The following DPP8 variants were observed in gnomAD, a reference collection of about 807,000 sequenced individuals.
The protein encoded by DPP8 is DPP VIII.
A neutral mutation model predicts 107.5 loss-of-function variants in DPP8; 31 were observed. That is an observed-to-expected ratio of 0.29 (90% CI 0.22 to 0.39). DPP8 has a LOEUF of 0.39. Ranked by LOEUF, DPP8 falls within the 10% of genes least tolerant of loss-of-function variation. The pLI is 1.00. For missense variants in DPP8, 842 were observed against 1,076.1 expected, an observed-to-expected ratio of 0.78 and a Z score of 3.04; for synonymous variants, 381 against 356.6, an observed-to-expected ratio of 1.07 and a Z score of -0.77.
intron 2 of DPP8, among the ~76,000 whole-genome samples, chr15:65,509,593 CAA>C (rs2141088711): frequency 6.6e-6 from 1 of 152,246 alleles, no homozygotes; most frequent in African/African-American, 2.4e-5. Flanking sequence ...TGACAAAGAA[CAA>C]GAGGCAAAAT....
At position 65,443,625 on chromosome 15, in the gene DPP8, C is replaced by A. The variant is rs564074665; in HGVS notation, c.*3259G>T. 1.4e-4 allele frequency: 21 copies of A among 152,256 alleles called. No homozygotes were observed. The East Asian group carries it at 3.9e-3, about 28-fold the overall frequency. 9.4% of individuals were successfully genotyped at this position (152,256 alleles called of 1,614,324 possible). On this transcript the variant is annotated 3_prime_UTR_variant, in exon 20 of 20. Transcript: ENST00000300141. ...TGGCATAGAGAGAAAAACTTTCATT[C>A]CAAAATTAATCTCCAGACAAAGGGG...
intron 19 of DPP8, among the ~76,000 whole-genome samples, chr15:65,448,684 A>T (rs1412177121): frequency 1.4e-4 from 20 of 140,408 alleles, no homozygotes; most frequent in African/African-American, 2.4e-4. Context: ...AAAAAAAAAA[A>T]AAAAAAATAT....
intron 5 of DPP8, among the ~76,000 whole-genome samples, chr15:65,496,346 A>G (rs2068600354): frequency 6.6e-6 from 1 of 150,540 alleles, no homozygotes; most frequent in South Asian, 2.2e-4. Context: ...AGATGACAGT[A>G]AATCAGCTTT....
chr15:65,513,896 C>G (rs1020940503), intron 1 of DPP8, among the ~76,000 whole-genome samples: 3 of 152,112 alleles, frequency 2.0e-5, no homozygotes, highest in Non-Finnish European at 4.4e-5. Context: ...AAAGAAGGAA[C>G]ATAAAAATTC....
chr15:65,465,360 G>T lies in DPP8; in HGVS notation c.1825+1318C>A, dbSNP rs924629387. Among the ~76,000 whole-genome samples, 4 of 151,296 alleles carry T rather than the reference G, an allele frequency of 2.6e-5. No homozygotes were observed. The Admixed American group carries it at 2.6e-4, about 10-fold the overall frequency. On this transcript the variant is annotated intron_variant, in intron 14 of 19. Coordinates refer to ENST00000300141, the MANE Select transcript of DPP8 (RefSeq NM_130434.5). ...TTTTTGTATTTTTAGTAGATGTGGG[G>T]TTTCACCATGTTGGCCAGGCTGCTC... is the stretch of plus-strand genomic sequence containing the variant.
intron 14 of DPP8, among the ~76,000 whole-genome samples, chr15:65,465,167 CTTT>C (rs199937501): frequency 1.6e-5 from 2 of 127,726 alleles, no homozygotes; most frequent in Admixed American, 7.9e-5. Flanking sequence ...TTTGTTTTTT[CTTT>C]TTTTTTTTTT....
chr15:65,514,757 G>A (rs1219769388), intron 1 of DPP8, among the ~76,000 whole-genome samples: 2 of 152,094 alleles, frequency 1.3e-5, no homozygotes, highest in East Asian at 1.9e-4. Flanking sequence ...TGATCCACCC[G>A]CCTTGGCCTC....
intron 17 of DPP8, 137 bp from the exon 18 acceptor site, chr15:65,452,239 G>T: frequency 2.1e-6 from 2 of 942,880 alleles, no homozygotes; most frequent in Admixed American, 3.5e-5. Context: ...CATGTCTTAG[G>T]CAACTCAGAA....
At chr15:65,482,340 G>A (rs966337039) in intron 8 of DPP8, among the ~76,000 whole-genome samples, 4 of 152,060 alleles carry the variant, frequency 2.6e-5, no homozygotes, top group Admixed American at 6.6e-5. Flanking sequence ...GTAGTGCAGT[G>A]GCGCCATCTC....
intron 1 of DPP8, chr15:65,516,565 G>A (rs946492979): frequency 2.6e-5 from 4 of 152,192 alleles, no homozygotes; most frequent in Non-Finnish European, 2.9e-5. Context: ...GAAAAACAGC[G>A]AGGTTATGCC....
intron 15 of DPP8, 67 bp downstream of exon 15, chr15:65,463,693 TA>T (rs2065102102): frequency 6.4e-6 from 9 of 1,407,682 alleles, no homozygotes; most frequent in Non-Finnish European, 8.8e-6. Context: ...ACTAGACATT[TA>T]AAAAACAAAA....
At chr15:65,467,669 T>C (rs1265893467) in intron 12 of DPP8, among the ~76,000 whole-genome samples, 1 of 152,176 alleles carries the variant, frequency 6.6e-6, no homozygotes, top group Non-Finnish European at 1.5e-5. Flanking sequence ...TGAGCCACCA[T>C]GCCTGGCTGT....
chr15:65,479,635 G>A (rs1011850572), intron 10 of DPP8, among the ~76,000 whole-genome samples: 8 of 151,906 alleles, frequency 5.3e-5, no homozygotes, highest in Middle Eastern at 3.4e-3. Context: ...ATGAGGTCAG[G>A]AGATCGAGAC....
intron 6 of DPP8, among the ~76,000 whole-genome samples, chr15:65,489,412 A>AT (rs1567234759): frequency 9.7e-5 from 2 of 20,702 alleles, no homozygotes; most frequent in East Asian, 3.3e-3. Flanking sequence ...AATATAATCT[A>AT]CTTTTTTTTT....
At chr15:65,496,230 G>A (rs191485424) in intron 5 of DPP8, among the ~76,000 whole-genome samples, 13 of 152,060 alleles carry the variant, frequency 8.5e-5, no homozygotes, top group Non-Finnish European at 1.3e-4. Flanking sequence ...TGATCTGCCC[G>A]CCTCGGCCTT....
At chr15:65,483,419 G>A (rs1038110952) in intron 8 of DPP8, among the ~76,000 whole-genome samples, 2 of 151,982 alleles carry the variant, frequency 1.3e-5, no homozygotes, top group Non-Finnish European at 2.9e-5. Flanking sequence ...CTACTTAGAA[G>A]GCGGAGGCAG....
intron 5 of DPP8, among the ~76,000 whole-genome samples, chr15:65,491,404 C>T (rs2068019240): frequency 6.6e-6 from 1 of 152,084 alleles, no homozygotes; most frequent in Admixed American, 6.6e-5. Flanking sequence ...TTGAAAAATA[C>T]ATATACTTGT....
At chr15:65,499,723 C>A (rs2068998424) in intron 4 of DPP8, among the ~76,000 whole-genome samples, 1 of 151,806 alleles carries the variant, frequency 6.6e-6, no homozygotes, top group African/African-American at 2.4e-5. Flanking sequence ...TGCTACCTTG[C>A]CTGGCTAATT....
rs749301023 is a variant in DPP8 at position 65,466,721 on chromosome 15, A to C, written c.1782T>G (p.Thr594=). The change falls in exon 14 of 20, where the codon ACT becomes ACG. Residue 594 remains threonine, a synonymous_variant. Transcript: ENST00000300141. ...TGGCCCAAAATTCCTTTGTTTTGCA[A>C]GTTGGGTCATCTTCAGGACTTGATA... ...YKLSSPEDDP[T]CKTKEFWATI... 1.2e-6 allele frequency: 2 copies of C among 1,614,116 alleles called. No individual in the cohort carries two copies. The highest frequency in any genetic ancestry group is 1.7e-6 in the Non-Finnish European group (2 of 1,179,998).
Sources: allele counts gnomAD v4.1 joint callset (sites outside exome capture counted in the v4.1 genomes callset), GRCh38; gene constraint gnomAD v4.1.1; transcripts MANE v1.5; gene names NCBI Gene and HGNC (gene_info 2026-07-23, HGNC 2026-07-21).